PRCP: variants seen among roughly 807,000 people sequenced by gnomAD.
PRCP encodes prolylcarboxypeptidase.
A neutral mutation model predicts 54.2 loss-of-function variants in PRCP; 46 were observed. The observed-to-expected ratio is 0.85, with a 90% CI of 0.67 to 1.09. The LOEUF is 1.09. Ranked by LOEUF, PRCP falls within the 50% of genes least tolerant of loss-of-function variation. The pLI is 0.00. For missense variants in PRCP, 613 were observed against 596.8 expected (o/e 1.03, Z -0.28); for synonymous variants, 240 against 212.2 (o/e 1.13, Z -1.14).
At chr11:82,831,726 T>G (rs2121066447) in intron 8 of PRCP, among the ~76,000 whole-genome samples, 2 of 152,312 alleles carry the variant, frequency 1.3e-5, no homozygotes, top group Middle Eastern at 6.8e-3. Flanking sequence ...ACTTTCTTTT[T>G]TTTTTTAATT....
At chr11:82,889,038 T>A (rs992899528) in intron 1 of PRCP, among the ~76,000 whole-genome samples, 1 of 124,674 alleles carries the variant, frequency 8.0e-6, no homozygotes, top group Non-Finnish European at 1.6e-5. Flanking sequence ...AAAAAAGATT[T>A]GACCAATCAC....
chr11:82,849,806 T>C (rs575376689), intron 5 of PRCP, 108 bp downstream of exon 5: 2 of 1,017,246 alleles, frequency 2.0e-6, no homozygotes, highest in East Asian at 3.0e-5. Context: ...ATTTTCTGTA[T>C]GTACATTATA....
intron 8 of PRCP, chr11:82,829,401 C>T (rs1014173814): frequency 1.3e-5 from 2 of 152,258 alleles, no homozygotes; most frequent in Admixed American, 1.3e-4. Context: ...CATGCTGGGG[C>T]TCTTTCAAGG....
intron 8 of PRCP, among the ~76,000 whole-genome samples, chr11:82,837,473 C>T (rs1240847457): frequency 6.6e-6 from 1 of 152,142 alleles, no homozygotes; most frequent in Non-Finnish European, 1.5e-5. Context: ...AAAAATCATT[C>T]ATAGACTTCT....
chr11:82,860,527 G>A (rs1304612409), intron 1 of PRCP, among the ~76,000 whole-genome samples: 1 of 151,804 alleles, frequency 6.6e-6, no homozygotes, highest in African/African-American at 2.4e-5. Context: ...GCTGTAGAAT[G>A]GCTAAATTGA....
chr11:82,853,357 A>C (rs1317974752), intron 2 of PRCP, 79 bp from the exon 3 acceptor site: 60 of 1,146,768 alleles, frequency 5.2e-5, no homozygotes, highest in Non-Finnish European at 7.0e-5. Flanking sequence ...AACCATATGG[A>C]ATAGATGTTA....
intron 8 of PRCP, among the ~76,000 whole-genome samples, chr11:82,834,092 G>A (rs1041726584): frequency 1.1e-4 from 17 of 152,188 alleles, no homozygotes; most frequent in African/African-American, 3.9e-4. Flanking sequence ...TCCACCTCCA[G>A]CCATGTAAGG....
chr11:82,834,080 C>T lies in PRCP; in HGVS notation c.1274+4307G>A, dbSNP rs1172829888. On this transcript the variant is annotated intron_variant, in intron 8 of 8. Transcript: ENST00000313010. Reference sequence around the variant, plus strand: ...GACTGGAGGAAACGAGCTTCTTGCCCTTCCACCTCCAGCCATGTAAGGGTG... The same window carrying T: ...GACTGGAGGAAACGAGCTTCTTGCCTTTCCACCTCCAGCCATGTAAGGGTG... 2.0e-5 allele frequency among the ~76,000 whole-genome samples: 3 copies of T among 152,318 alleles called. No individual in the cohort carries two copies. In the East Asian group the frequency reaches 5.8e-4, roughly 29 times the overall value.
intron 1 of PRCP, among the ~76,000 whole-genome samples, chr11:82,897,088 G>A (rs1591078216): frequency 6.6e-6 from 1 of 152,106 alleles, no homozygotes; most frequent in Non-Finnish European, 1.5e-5. Context: ...ATTCCAGAGA[G>A]CCCTTTATGA....
intron 6 of PRCP, among the ~76,000 whole-genome samples, chr11:82,848,804 A>G (rs1028881725): frequency 6.6e-6 from 1 of 152,210 alleles, no homozygotes; most frequent in Non-Finnish European, 1.5e-5. Flanking sequence ...TCTAATTCGT[A>G]CAACTCTATA....
chr11:82,875,753 A>G (rs1859588114), intron 1 of PRCP, among the ~76,000 whole-genome samples: 1 of 152,198 alleles, frequency 6.6e-6, no homozygotes, highest in Non-Finnish European at 1.5e-5. Context: ...TTATGGCAGC[A>G]AAGAGGAGGC....
intron 1 of PRCP, among the ~76,000 whole-genome samples, chr11:82,864,526 C>T (rs12290183): frequency 5.1e-4 from 77 of 152,258 alleles, no homozygotes; most frequent in African/African-American, 1.5e-3. Flanking sequence ...AAATTAGGCT[C>T]GAAGAGGTCA....
chr11:82,859,123 G>A (rs1423166660), intron 2 of PRCP, among the ~76,000 whole-genome samples: 1 of 152,224 alleles, frequency 6.6e-6, no homozygotes, highest in Non-Finnish European at 1.5e-5. Flanking sequence ...TTGGTAGAAA[G>A]TTGACATTTC....
chr11:82,871,124 G>A (rs1469679785), intron 1 of PRCP, among the ~76,000 whole-genome samples: 3 of 150,542 alleles, frequency 2.0e-5, no homozygotes, highest in Non-Finnish European at 4.4e-5. Context: ...TTAAACATAA[G>A]ATGATGTGTT....
intron 1 of PRCP, among the ~76,000 whole-genome samples, chr11:82,899,071 C>T (rs1381819936): frequency 6.6e-6 from 1 of 152,202 alleles, no homozygotes; most frequent in African/African-American, 2.4e-5. Flanking sequence ...TCCAAATTCA[C>T]ATAAGGGCTG....
intron 1 of PRCP, among the ~76,000 whole-genome samples, chr11:82,885,299 T>C (rs1470330551): frequency 6.6e-6 from 1 of 152,242 alleles, no homozygotes; most frequent in Non-Finnish European, 1.5e-5. Flanking sequence ...ATGGTACATA[T>C]TGCAGAAATA....
At chr11:82,860,589 C>A (rs1349339147) in intron 1 of PRCP, among the ~76,000 whole-genome samples, 2 of 151,956 alleles carry the variant, frequency 1.3e-5, no homozygotes, top group East Asian at 3.8e-4. Context: ...TGTGATAAGA[C>A]CACTTAAAAT....
rs778720067 is a variant in PRCP, at chr11:82,825,006, G to C, written c.1391C>G (p.Ala464Gly). ...AHHLDLRTKN[A>G]LDPMSVLLAR... ...TAACAGCACAGACATAGGATCCAAGGCATTCTTGGTGCGGAGATCTAAGTG... is the reference window on the plus strand; with the variant it reads ...TAACAGCACAGACATAGGATCCAAGCCATTCTTGGTGCGGAGATCTAAGTG... The change falls in exon 9 of 9, where the codon GCC becomes GGC. Residue 464 changes from alanine to glycine, a missense_variant. Coordinates refer to ENST00000313010, the MANE Select transcript of PRCP (RefSeq NM_005040.4). 5.0e-6 allele frequency: 8 copies of C among 1,614,102 alleles called. No individual in the cohort carries two copies. The highest frequency in any genetic ancestry group is 4.5e-5 in the East Asian group (2 of 44,880).
intron 1 of PRCP, chr11:82,899,990 A>G: frequency 2.0e-6 from 1 of 509,166 alleles, no homozygotes; most frequent in Admixed American, 3.7e-5. Flanking sequence ...TGTCGTGTCC[A>G]ATTACAGAAA....
Sources: gnomAD v4.1 joint callset for allele counts (sites outside exome capture counted in the v4.1 genomes callset) on GRCh38, gnomAD v4.1.1 for gene constraint, MANE v1.5 for transcripts, NCBI Gene and HGNC (gene_info 2026-07-23, HGNC 2026-07-21) for gene names.